The following ETV6 variants were observed in gnomAD, a reference collection of about 807,000 sequenced individuals.
The protein encoded by ETV6 is transcription factor ETV6.
A neutral mutation model predicts 51.1 loss-of-function variants in ETV6; 16 were observed. The ratio of observed to expected loss-of-function variants is 0.31; its 90% confidence interval spans 0.21 to 0.48. The LOEUF (loss-of-function observed/expected upper bound fraction) is 0.48. Ranked by LOEUF, ETV6 falls within the 20% of genes least tolerant of loss-of-function variation. ETV6 has a pLI of 0.99. For missense variants in ETV6, 458 were observed against 594.8 expected (o/e 0.77, Z 2.39); for synonymous variants, 240 against 224.1 (o/e 1.07, Z -0.64).
intron 1 of ETV6, among the ~76,000 whole-genome samples, chr12:11,724,710 G>T (rs1451104244): frequency 6.6e-6 from 1 of 152,186 alleles, no homozygotes; most frequent in African/African-American, 2.4e-5. Context: ...TAGGAATAAA[G>T]TGTTAACTTG....
chr12:11,778,391 C>CT (rs1480038803), intron 2 of ETV6, among the ~76,000 whole-genome samples: 1 of 152,162 alleles, frequency 6.6e-6, no homozygotes, highest in Non-Finnish European at 1.5e-5. Flanking sequence ...CTAGAAGAAA[C>CT]TTTTTTCCCA....
chr12:11,738,891 T>A (rs1191611403), intron 1 of ETV6, among the ~76,000 whole-genome samples: 1 of 152,168 alleles, frequency 6.6e-6, no homozygotes, highest in Non-Finnish European at 1.5e-5. Context: ...GAGTTGTGGC[T>A]GCGCAACGTT....
Position 11,874,473 on chromosome 12 carries a change from C to CGTGTATGTGCGTGTGTACACATAT in ETV6, c.1009+4525_1009+4526insTATGTGTATGTGCGTGTGTACACA. 1.2e-3 allele frequency among the ~76,000 whole-genome samples: 4 copies of CGTGTATGTGCGTGTGTACACATAT among 3,448 alleles called. 2 individuals carry two copies. Among genetic ancestry groups the CGTGTATGTGCGTGTGTACACATAT allele is most frequent in the African/African-American group, 1.5e-3 (4 of 2,742 alleles). The allele number at this position is 3,448 out of a possible 152,430, so 2.3% of individuals were successfully genotyped here. On this transcript the variant is annotated intron_variant, in intron 5 of 7. Transcript: ENST00000396373. ...ATGCGTATGTATATATACACACACA[C>CGTGTATGTGCGTGTGTACACATAT]GTGTATGTGCGTGTGTACACACATA...
chr12:11,782,453 A>G (rs1370351776), intron 2 of ETV6, among the ~76,000 whole-genome samples: 1 of 152,178 alleles, frequency 6.6e-6, no homozygotes, highest in African/African-American at 2.4e-5. Flanking sequence ...AATGTTAAAC[A>G]TTTTATTATT....
At chr12:11,854,730 T>C (rs1013053609) in intron 4 of ETV6, among the ~76,000 whole-genome samples, 3 of 151,724 alleles carry the variant, frequency 2.0e-5, no homozygotes, top group Non-Finnish European at 4.4e-5. Context: ...AGGAAAGAAA[T>C]GGGAAGTCAT....
At chr12:11,887,690 G>A (rs1947217543) in intron 7 of ETV6, among the ~76,000 whole-genome samples, 1 of 150,940 alleles carries the variant, frequency 6.6e-6, no homozygotes, top group Non-Finnish European at 1.5e-5. Flanking sequence ...AGAGGTTGCA[G>A]TGAGCTGAGA....
chr12:11,764,894 A>G (rs959951099), intron 2 of ETV6, among the ~76,000 whole-genome samples: 19 of 152,206 alleles, frequency 1.2e-4, no homozygotes, highest in Non-Finnish European at 4.4e-5. Context: ...TTACTGATGA[A>G]GAGTCAAACT....
intron 1 of ETV6, among the ~76,000 whole-genome samples, chr12:11,691,086 G>C (rs956029863): frequency 6.6e-6 from 1 of 151,990 alleles, no homozygotes. Flanking sequence ...CCTCTCCTGG[G>C]TTTCAGGCTG....
chr12:11,848,512 C>T (rs193302587), intron 3 of ETV6, among the ~76,000 whole-genome samples: 7 of 152,382 alleles, frequency 4.6e-5, no homozygotes, highest in Admixed American at 3.3e-4. Flanking sequence ...ATTTGGAACA[C>T]ATTACAATAC....
intron 5 of ETV6, among the ~76,000 whole-genome samples, chr12:11,881,621 C>T (rs961031563): frequency 1.3e-5 from 2 of 152,218 alleles, no homozygotes; most frequent in Non-Finnish European, 2.9e-5. Flanking sequence ...ATCCCACTCA[C>T]AGGGGTGGGG....
chr12:11,856,831 T>G (rs1485439142), intron 4 of ETV6, among the ~76,000 whole-genome samples: 1 of 152,204 alleles, frequency 6.6e-6, no homozygotes, highest in Non-Finnish European at 1.5e-5. Flanking sequence ...AAAAAATCTG[T>G]CAAGTGAAAT....
chr12:11,656,039 TTCC>T (rs1401665954), intron 1 of ETV6, among the ~76,000 whole-genome samples: 5 of 152,230 alleles, frequency 3.3e-5, no homozygotes, highest in Middle Eastern at 3.2e-3. Flanking sequence ...CTTCTTCCTC[TTCC>T]TCCTCCTCTT....
chr12:11,745,824 T>C (rs1199232983), intron 1 of ETV6, among the ~76,000 whole-genome samples: 2 of 152,232 alleles, frequency 1.3e-5, no homozygotes, highest in Admixed American at 6.5e-5. Flanking sequence ...GAAAGTAATA[T>C]GTTTGTACTC....
chr12:11,869,255 AT>A lies in ETV6; in HGVS notation c.464-168del, dbSNP rs1299444785. On this transcript the variant is annotated intron_variant, in intron 4 of 7. Coordinates refer to ENST00000396373, the MANE Select transcript of ETV6 (RefSeq NM_001987.5). The surrounding 1 kb of genome is among the most constrained non-coding windows in gnomAD (Gnocchi z 5.0). ...CATCTCAAACAGAAAAAAAAAAAAA[AT>A]ATGCACCCTTCAAATTGTTAAGCAG... Among the ~76,000 whole-genome samples the A allele has an allele frequency of 1.3e-5, 2 of 150,706 alleles. No individual in the cohort carries two copies. The highest frequency in any genetic ancestry group is 2.4e-5 in the African/African-American group (1 of 40,834).
chr12:11,706,110 G>C (rs1165921845), intron 1 of ETV6, among the ~76,000 whole-genome samples: 28 of 152,250 alleles, frequency 1.8e-4, no homozygotes, highest in Admixed American at 1.8e-3. Flanking sequence ...CGTTCCTTCT[G>C]TTGAGGTGCA....
In ETV6 at chr12:11,883,276, C is replaced by CTT. The variant is rs547786286; in HGVS notation, c.1010-1135_1010-1134dup. Among the ~76,000 whole-genome samples the CTT allele has an allele frequency of 5.7e-3, 451 of 78,842 alleles. 33 individuals are homozygous for CTT. The highest frequency in any genetic ancestry group is 0.021 in the Middle Eastern group (3 of 144). The allele number at this position is 78,842 out of a possible 152,430, so 51.7% of individuals were successfully genotyped here. The stretch of plus-strand genomic sequence containing the variant: ...GGGAAGGTGTACATCATGTCTTCTT[C>CTT]TTTTTTTTTTTTTTTTTTTTTTTTT... On this transcript the variant is annotated intron_variant, in intron 5 of 7. Coordinates refer to ENST00000396373, the MANE Select transcript of ETV6 (RefSeq NM_001987.5).
At chr12:11,880,702 T>C (rs1947077902) in intron 5 of ETV6, among the ~76,000 whole-genome samples, 1 of 152,226 alleles carries the variant, frequency 6.6e-6, no homozygotes, top group Non-Finnish European at 1.5e-5. Flanking sequence ...GCTGCCATGA[T>C]GTCACCCACC....
At chr12:11,667,741 C>T (rs1369467139) in intron 1 of ETV6, among the ~76,000 whole-genome samples, 4 of 139,522 alleles carry the variant, frequency 2.9e-5, no homozygotes, top group Admixed American at 7.8e-5. Flanking sequence ...CTCACTCGGC[C>T]GCCCAGGCTG....
intron 2 of ETV6, among the ~76,000 whole-genome samples, chr12:11,774,899 C>T (rs991936453): frequency 2.0e-5 from 3 of 152,290 alleles, no homozygotes; most frequent in African/African-American, 2.4e-5. Flanking sequence ...GCAGAGGGAC[C>T]GTAGCCCCGG....
Sources: allele counts gnomAD v4.1 joint callset (sites outside exome capture counted in the v4.1 genomes callset), GRCh38; gene constraint gnomAD v4.1.1; non-coding constraint Gnocchi (gnomAD v3.1); transcripts MANE v1.5; gene names NCBI Gene and HGNC (gene_info 2026-07-23, HGNC 2026-07-21).